The following ZGPAT variants were observed in gnomAD, a reference collection of about 807,000 sequenced individuals.
ZGPAT encodes the protein zinc finger CCCH-type and G-patch domain containing.
In ZGPAT, 39 loss-of-function variants were observed where a neutral mutation model predicts 47.9. That is an observed-to-expected ratio of 0.81 (90% CI 0.63 to 1.06). The LOEUF (loss-of-function observed/expected upper bound fraction) is 1.06, where lower values mean the gene tolerates loss of function less well. Ranked by LOEUF, ZGPAT falls within the 50% of genes least tolerant of loss-of-function variation. The pLI, the probability that ZGPAT is intolerant of heterozygous loss-of-function variation, is 0.00. For synonymous variants in ZGPAT, 348 were observed against 292.9 expected, an observed-to-expected ratio of 1.19 and a Z score of -1.92; for missense variants, 717 against 681.4, an observed-to-expected ratio of 1.05 and a Z score of -0.58.
In ZGPAT at chr20:63,735,023, G is replaced by A. The variant is rs561414187; in HGVS notation, c.992-136G>A. The A allele has an allele frequency of 4.4e-5, 59 of 1,346,228 alleles. No homozygotes were observed. In the East Asian group the frequency reaches 1.4e-3, roughly 32 times the overall value. 83.4% of individuals were successfully genotyped at this position (1,346,228 alleles called of 1,614,324 possible). Reference sequence around the variant, plus strand: ...TCCCCGTGCTCCTCAGATTCCCAGGGTCCTACGGCCACAGCACTGCCATCT... The same window carrying A: ...TCCCCGTGCTCCTCAGATTCCCAGGATCCTACGGCCACAGCACTGCCATCT... On this transcript the variant is annotated intron_variant, in intron 5 of 6. Coordinates refer to ENST00000355969, the MANE Select transcript of ZGPAT (RefSeq NM_181485.3).
chr20:63,731,776 T>C (rs1469846856), intron 2 of ZGPAT, among the ~76,000 whole-genome samples: 3 of 152,194 alleles, frequency 2.0e-5, no homozygotes, highest in African/African-American at 7.2e-5. Context: ...GCAGGTTCCA[T>C]ATCCATCATT....
At chr20:63,709,951 C>T (rs1007456381) in intron 2 of ZGPAT, among the ~76,000 whole-genome samples, 5 of 152,084 alleles carry the variant, frequency 3.3e-5, no homozygotes, top group African/African-American at 1.2e-4. Flanking sequence ...AGCTCCGCCT[C>T]CCGGGTTCAC....
intron 3 of ZGPAT, 117 bp from the exon 4 acceptor site, chr20:63,733,470 G>T: frequency 6.3e-7 from 1 of 1,598,868 alleles, no homozygotes; most frequent in Non-Finnish European, 8.5e-7. Context: ...CTCTGGGCCC[G>T]AAATGAGCAC....
chr20:63,708,409 C>T (rs1184656084), intron 1 of ZGPAT, 144 bp from the exon 2 acceptor site: 2 of 567,074 alleles, frequency 3.5e-6, no homozygotes, highest in Non-Finnish European at 6.0e-6. Flanking sequence ...GCGGGGGTAC[C>T]CGGGCTGCGA....
Position 63,735,542 on chromosome 20 carries a change from GCT to G in ZGPAT, c.1379_1380del (p.Leu460ArgfsTer8). On this transcript the variant is annotated frameshift_variant, in exon 6 of 7. Transcript: ENST00000355969. LOFTEE classifies it high-confidence loss of function. The stretch of plus-strand genomic sequence containing the variant: ...GCGGGACATCAGGAGCATCCAGGAG[GCT>G]CTCGCCCGCAACGCTGGCCGGTACG... ...TQRDIRSIQE[A>X]LARNAGRHSV... is the part of the protein sequence containing the mutation. 7 of 1,516,372 alleles carry G rather than the reference GCT, an allele frequency of 4.6e-6. No homozygotes were observed. Among genetic ancestry groups the G allele is most frequent in the Non-Finnish European group, 6.2e-6 (7 of 1,133,708 alleles). 93.9% of individuals were successfully genotyped at this position (1,516,372 alleles called of 1,614,324 possible).
intron 2 of ZGPAT, among the ~76,000 whole-genome samples, chr20:63,716,645 G>C (rs2091731615): frequency 6.6e-6 from 1 of 151,370 alleles, no homozygotes; most frequent in Non-Finnish European, 1.5e-5. Context: ...TGAGTAGCTG[G>C]GATTACAGGT....
At chr20:63,729,821 G>C (rs2091878854) in intron 2 of ZGPAT, among the ~76,000 whole-genome samples, 1 of 152,068 alleles carries the variant, frequency 6.6e-6, no homozygotes, top group Non-Finnish European at 1.5e-5. Flanking sequence ...AGGAGTTCAA[G>C]ACCAGCCTGG....
At chr20:63,726,186 G>GT (rs1224898868) in intron 2 of ZGPAT, among the ~76,000 whole-genome samples, 2 of 143,456 alleles carry the variant, frequency 1.4e-5, no homozygotes, top group Admixed American at 7.5e-5. Context: ...CAAATCTGCC[G>GT]TTGAGTACAT....
intron 4 of ZGPAT, 132 bp from the exon 5 acceptor site, chr20:63,734,573 G>T: frequency 1.3e-6 from 2 of 1,508,356 alleles, no homozygotes. Context: ...TGAGCTCATT[G>T]GTCAAAGCCC....
At chr20:63,724,090 G>A (rs1392407019) in intron 2 of ZGPAT, among the ~76,000 whole-genome samples, 1 of 151,994 alleles carries the variant, frequency 6.6e-6, no homozygotes, top group Non-Finnish European at 1.5e-5. Context: ...AAGGGACTAG[G>A]AATGGTGGCT....
At chr20:63,725,070 C>T (rs1011933217) in intron 2 of ZGPAT, among the ~76,000 whole-genome samples, 4 of 150,606 alleles carry the variant, frequency 2.7e-5, no homozygotes, top group African/African-American at 7.3e-5. Flanking sequence ...CTGCGAGCTC[C>T]GCCTCCCGGG....
intron 2 of ZGPAT, among the ~76,000 whole-genome samples, chr20:63,710,922 G>A (rs796507405): frequency 1.6e-4 from 24 of 152,080 alleles, no homozygotes; most frequent in African/African-American, 5.8e-4. Flanking sequence ...TCTCTTAGAA[G>A]AAATATTTAC....
At chr20:63,718,661 G>C (rs953551366) in intron 2 of ZGPAT, among the ~76,000 whole-genome samples, 7 of 151,460 alleles carry the variant, frequency 4.6e-5, no homozygotes, top group Admixed American at 1.3e-4. Flanking sequence ...TCTCACTCAA[G>C]CCCAGGCTGG....
At position 63,735,378 on chromosome 20, in the gene ZGPAT, G is replaced by T. The variant is rs976544817; in HGVS notation, c.1211G>T (p.Gly404Val). The T allele has an allele frequency of 2.6e-6, 4 of 1,554,268 alleles. No homozygotes were observed. The highest frequency in any genetic ancestry group is 1.2e-5 in the South Asian group (1 of 81,470). The change falls in exon 6 of 7, where the codon GGT (glycine) becomes GTT (valine). Residue 404 changes from glycine to valine, a missense_variant. Transcript: ENST00000355969. ...VFDFLNEKLQ[G>V]QAPGALEAGA... The stretch of plus-strand genomic sequence containing the variant: ...GACTTCCTCAATGAAAAGCTGCAAG[G>T]TCAGGCTCCTGGGGCCCTAGAAGCC...
At chr20:63,734,478 C>A in intron 4 of ZGPAT, 1 of 797,724 alleles carries the variant, frequency 1.3e-6, no homozygotes, top group Non-Finnish European at 2.0e-6. Context: ...GCCATGCACT[C>A]TGCCTGGTGT....
chr20:63,734,831 A>G lies in ZGPAT; in HGVS notation c.991+7A>G. The stretch of plus-strand genomic sequence containing the variant: ...GGCTATGAGTTTGGCAAGGGTGAGT[A>G]CAAGCTGCCCTGGAGAAGTGGGCAG... On this transcript the variant is annotated splice_region_variant and intron_variant, in intron 5 of 6. Coordinates refer to ENST00000355969, the MANE Select transcript of ZGPAT (RefSeq NM_181485.3). 1.9e-6 allele frequency: 3 copies of G among 1,578,342 alleles called. No individual in the cohort carries two copies. The highest frequency in any genetic ancestry group is 2.3e-5 in the South Asian group (2 of 85,184).
Position 63,734,801 on chromosome 20 carries a change from A to G in ZGPAT, c.968A>G (p.Lys323Arg). The change falls in exon 5 of 7, where the codon AAG (lysine) becomes AGG (arginine). Residue 323 changes from lysine (K) to arginine (R), a missense_variant. Transcript: ENST00000355969. Reference sequence around the variant, plus strand: ...GGTATAGGCTCCAGACTCCTCACCAAGATGGGCTATGAGTTTGGCAAGGGT... The same window carrying G: ...GGTATAGGCTCCAGACTCCTCACCAGGATGGGCTATGAGTTTGGCAAGGGT... ...TRGIGSRLLT[K>R]MGYEFGKGLG... The G allele has an allele frequency of 1.2e-6, 2 of 1,605,912 alleles. No individual in the cohort carries two copies. The highest frequency in any genetic ancestry group is 1.7e-6 in the Non-Finnish European group (2 of 1,175,862).
intron 4 of ZGPAT, chr20:63,734,201 T>C (rs758015321): frequency 1.1e-5 from 3 of 265,272 alleles, no homozygotes; most frequent in African/African-American, 2.2e-5. Flanking sequence ...GAGGGGTGTG[T>C]GTATGCGTGT....
At position 63,733,717 on chromosome 20, in the gene ZGPAT, G is replaced by A. The variant is rs201649907; in HGVS notation, c.849G>A (p.Thr283=). The change falls in exon 4 of 7, where the codon ACG becomes ACA. Residue 283 remains threonine (T), a synonymous_variant. Coordinates refer to ENST00000355969, the MANE Select transcript of ZGPAT (RefSeq NM_181485.3). The stretch of plus-strand genomic sequence containing the variant: ...AGTCCGACTCAGACAGCGACGGTAC[G>A]GGTGACTCCAGCTATGCCAGAGGTA... ...ATESDSDSDG[T]GDSSYARVVG... 2.4e-5 allele frequency: 39 copies of A among 1,613,176 alleles called. No individual in the cohort carries two copies. The East Asian group carries it at 2.9e-4, about 12-fold the overall frequency.
Sources: allele counts gnomAD v4.1 joint callset (sites outside exome capture counted in the v4.1 genomes callset), GRCh38; gene constraint gnomAD v4.1.1; transcripts MANE v1.5; gene names NCBI Gene and HGNC (gene_info 2026-07-23, HGNC 2026-07-21).